MAD1L1: variants seen among roughly 807,000 people sequenced by gnomAD.
MAD1L1 encodes the protein mitotic arrest deficient 1 like 1.
A neutral mutation model predicts 96.9 loss-of-function variants in MAD1L1; 95 were observed. That is an observed-to-expected ratio of 0.98 (90% CI 0.83 to 1.16). MAD1L1 has a LOEUF of 1.16. Among genes scored for constraint, MAD1L1 ranks in the 50% most tolerant of loss-of-function variants. The pLI, the probability that MAD1L1 is intolerant of heterozygous loss-of-function variation, is 0.00. For synonymous variants in MAD1L1, 473 were observed against 396.6 expected (o/e 1.19, Z -2.29); for missense variants, 1,007 against 954.4 (o/e 1.06, Z -0.73).
intron 11 of MAD1L1, among the ~76,000 whole-genome samples, chr7:2,128,696 G>A (rs912757935): frequency 3.9e-5 from 6 of 152,276 alleles, no homozygotes; most frequent in Admixed American, 1.3e-4. Context: ...GGATCCTGGC[G>A]GGGACACAGA....
chr7:1,904,901 G>C (rs527510716), intron 17 of MAD1L1, among the ~76,000 whole-genome samples: 10,965 of 76,912 alleles, frequency 0.14, 2,451 homozygotes, highest in East Asian at 0.22. Flanking sequence ...AGGCAGCAAG[G>C]ATGCAGTCGC....
intron 15 of MAD1L1, among the ~76,000 whole-genome samples, chr7:1,979,504 C>T (rs1056752152): frequency 2.6e-5 from 4 of 152,246 alleles, no homozygotes; most frequent in East Asian, 1.9e-4. Context: ...GATGGGGCAG[C>T]GCCAACACAG....
chr7:1,849,967 A>G (rs1274049947), intron 18 of MAD1L1: 1 of 152,234 alleles, frequency 6.6e-6, no homozygotes, highest in African/African-American at 2.4e-5. Flanking sequence ...AAGCGCTGGA[A>G]GGGCGGCCAC....
At chr7:1,841,052 G>A (rs901526399) in intron 18 of MAD1L1, among the ~76,000 whole-genome samples, 1 of 152,216 alleles carries the variant, frequency 6.6e-6, no homozygotes, top group Non-Finnish European at 1.5e-5. Context: ...GGGATTAGAT[G>A]TGACCAAGGC....
At chr7:2,006,824 T>C (rs576058453) in intron 13 of MAD1L1, among the ~76,000 whole-genome samples, 2 of 152,222 alleles carry the variant, frequency 1.3e-5, no homozygotes, top group South Asian at 4.2e-4. Flanking sequence ...CAGGCTCTCA[T>C]GGGCTCCAAA....
At chr7:2,196,131 T>G (rs1206902957) in intron 10 of MAD1L1, among the ~76,000 whole-genome samples, 1 of 152,242 alleles carries the variant, frequency 6.6e-6, no homozygotes, top group Non-Finnish European at 1.5e-5. Flanking sequence ...ATTCACTGGA[T>G]GCCCTTGGGC....
intron 18 of MAD1L1, among the ~76,000 whole-genome samples, chr7:1,883,337 T>C (rs959337024): frequency 2.6e-5 from 4 of 152,114 alleles, no homozygotes; most frequent in East Asian, 1.9e-4. Context: ...ACCCCTGGTA[T>C]GTAGGAGCTC....
rs1024456946 is a variant in MAD1L1, at chr7:2,213,115, GGCTGGAGACTGC to G, written c.986+85_986+96del. On this transcript the variant is annotated intron_variant, in intron 10 of 18. Transcript: ENST00000265854. Reference sequence around the variant, plus strand: ...CCCCGCACCAGCCACAGAGATGCCTGGCTGGAGACTGCGCTGGTGAGCCGGAAGCAGGCTCTG... The same window carrying G: ...CCCCGCACCAGCCACAGAGATGCCTGGCTGGTGAGCCGGAAGCAGGCTCTG... 1,742 of 1,313,032 alleles carry G rather than the reference GGCTGGAGACTGC, an allele frequency of 1.3e-3. 1 individual carries two copies. The highest frequency in any genetic ancestry group is 1.7e-3 in the Non-Finnish European group (1,576 of 916,440). 81.3% of individuals were successfully genotyped at this position (1,313,032 alleles called of 1,614,324 possible). A position where few individuals can be genotyped will look rare whatever the true frequency, so the allele number is the denominator to read the frequency against.
At chr7:1,827,103 C>T (rs1368677543) in intron 18 of MAD1L1, among the ~76,000 whole-genome samples, 2 of 148,542 alleles carry the variant, frequency 1.3e-5, no homozygotes, top group East Asian at 2.0e-4. Flanking sequence ...GGGCGGCCTG[C>T]GCAGCCCCTG....
At chr7:1,877,723 A>G (rs1011035637) in intron 18 of MAD1L1, among the ~76,000 whole-genome samples, 12 of 152,194 alleles carry the variant, frequency 7.9e-5, no homozygotes, top group African/African-American at 2.7e-4. Flanking sequence ...AATTGTAAGA[A>G]AGCAGGAGTG....
rs547513140 is a variant in MAD1L1 at position 1,857,335 on chromosome 7, C to CG, written c.1998+40864dup. On this transcript the variant is annotated intron_variant, in intron 18 of 18. Transcript: ENST00000265854. ...CCCTGAAACCCGCCTTTGCTGTGCTCGGGGGGCGGCACAAGGTAGGGCTGC... is the reference window on the plus strand; with the variant it reads ...CCCTGAAACCCGCCTTTGCTGTGCTCGGGGGGGCGGCACAAGGTAGGGCTGC... 2.4e-4 allele frequency among the ~76,000 whole-genome samples: 36 copies of CG among 152,260 alleles called. No individual in the cohort carries two copies. The East Asian group carries it at 6.4e-3, about 27-fold the overall frequency.
intron 18 of MAD1L1, chr7:1,847,467 C>T (rs758658947): frequency 6.4e-6 from 3 of 471,088 alleles, no homozygotes; most frequent in South Asian, 4.6e-5. Flanking sequence ...CTCTGTCCCA[C>T]ACAACCCAGC....
intron 10 of MAD1L1, among the ~76,000 whole-genome samples, chr7:2,212,142 T>C (rs1191878963): frequency 6.6e-6 from 1 of 150,880 alleles, no homozygotes; most frequent in African/African-American, 2.4e-5. Context: ...ACTGAGCGGC[T>C]GCTGGAGAAA....
In MAD1L1 at chr7:2,119,736, G is replaced by C. The variant is rs1787886777; in HGVS notation, c.1073+29416C>G. Among the ~76,000 whole-genome samples the C allele has an allele frequency of 6.6e-6, 1 of 152,142 alleles. No homozygotes were observed. The highest frequency in any genetic ancestry group is 1.5e-5 in the Non-Finnish European group (1 of 68,030). On this transcript the variant is annotated intron_variant, in intron 11 of 18. Transcript: ENST00000265854. This position sits in a 1 kb window ranked among gnomAD's most constrained non-coding sequence, Gnocchi z 4.6. ...AGGGAGAGCCTGCCAGTCCAGCAGG[G>C]GACCCCTCAGCACAGTCCTGGCTGC... is the stretch of plus-strand genomic sequence containing the variant.
intron 11 of MAD1L1, among the ~76,000 whole-genome samples, chr7:2,086,684 T>C (rs997118160): frequency 3.3e-5 from 5 of 152,202 alleles, no homozygotes; most frequent in African/African-American, 1.2e-4. Context: ...CCAGAGTAGC[T>C]GGGATTACAG....
In MAD1L1 at chr7:1,868,356, T is replaced by C. The variant is rs557127674; in HGVS notation, c.1998+29844A>G. On this transcript the variant is annotated intron_variant, in intron 18 of 18. Coordinates refer to ENST00000265854, the MANE Select transcript of MAD1L1 (RefSeq NM_001013836.2). ...ACTGTGGAGGCAGCGTGGACTTCCA[T>C]GGCTGCTGCCGCCCAGCACACACCA... is the stretch of plus-strand genomic sequence containing the variant. 1.1e-4 allele frequency among the ~76,000 whole-genome samples: 16 copies of C among 152,288 alleles called. No individual in the cohort carries two copies. In the South Asian group the frequency reaches 3.3e-3, roughly 32 times the overall value.
At chr7:1,896,550 G>A (rs1481923528) in intron 18 of MAD1L1, among the ~76,000 whole-genome samples, 3 of 152,216 alleles carry the variant, frequency 2.0e-5, no homozygotes, top group Admixed American at 6.5e-5. Flanking sequence ...CCAGGATCCC[G>A]AGTTCCCAGG....
At chr7:2,200,362 A>ACACCAGG (rs1230580921) in intron 10 of MAD1L1, 1 of 152,366 alleles carries the variant, frequency 6.6e-6, no homozygotes, top group Non-Finnish European at 1.5e-5. Context: ...TGGGCCCCCG[A>ACACCAGG]CACCAGGCAC....
intron 12 of MAD1L1, among the ~76,000 whole-genome samples, chr7:2,054,755 C>T (rs968232761): frequency 4.3e-4 from 65 of 152,224 alleles, no homozygotes; most frequent in African/African-American, 1.5e-3. Flanking sequence ...CAGGGCCCCT[C>T]CTGCAGGCTT....
Sources: gnomAD v4.1 joint callset for allele counts (sites outside exome capture counted in the v4.1 genomes callset) on GRCh38, gnomAD v4.1.1 for gene constraint, Gnocchi (gnomAD v3.1) non-coding constraint, MANE v1.5 for transcripts, NCBI Gene and HGNC (gene_info 2026-07-23, HGNC 2026-07-21) for gene names.